Variants in CHRM2 observed in about 807,000 individuals in gnomAD.
CHRM2 encodes the protein cholinergic receptor muscarinic 2, also known as muscarinic acetylcholine receptor M2.
Under a neutral mutation model 25.0 loss-of-function variants are expected in CHRM2, and 8 were observed. The observed-to-expected ratio is 0.32, with a 90% CI of 0.19 to 0.58. CHRM2 has a LOEUF of 0.58. Ranked by LOEUF, CHRM2 falls within the 20% of genes least tolerant of loss-of-function variation. CHRM2 has a pLI of 0.88. For missense variants in CHRM2, 440 were observed against 567.1 expected (o/e 0.78, Z 2.28); for synonymous variants, 202 against 205.7 (o/e 0.98, Z 0.15).
chr7:136,979,455 TC>T (rs1268194954), intron 2 of CHRM2, among the ~76,000 whole-genome samples: 1 of 152,204 alleles, frequency 6.6e-6, no homozygotes, highest in Admixed American at 6.5e-5. Flanking sequence ...TTTAATTAGA[TC>T]CCATTTGTCA....
At chr7:136,931,378 A>G (rs1248419662) in intron 2 of CHRM2, among the ~76,000 whole-genome samples, 2 of 152,226 alleles carry the variant, frequency 1.3e-5, no homozygotes, top group African/African-American at 4.8e-5. Context: ...TTTGATTCCT[A>G]AAGTGGCGAG....
intron 2 of CHRM2, among the ~76,000 whole-genome samples, chr7:136,897,189 G>A (rs551402403): frequency 6.6e-6 from 1 of 151,954 alleles, no homozygotes; most frequent in East Asian, 1.9e-4. Flanking sequence ...AGGCACTTAG[G>A]CAGATGGAAA....
chr7:136,966,656 A>C (rs1801432956), intron 2 of CHRM2, among the ~76,000 whole-genome samples: 1 of 151,742 alleles, frequency 6.6e-6, no homozygotes, highest in African/African-American at 2.4e-5. Context: ...TTACTTAAAA[A>C]TATCTGTGTT....
intron 2 of CHRM2, among the ~76,000 whole-genome samples, chr7:136,877,201 C>G (rs867756114): frequency 1.1e-4 from 17 of 152,046 alleles, no homozygotes; most frequent in Admixed American, 9.2e-4. Context: ...TTGCTGTAGC[C>G]GGAGACTTTT....
intron 2 of CHRM2, among the ~76,000 whole-genome samples, chr7:136,981,589 T>C (rs1033508815): frequency 1.3e-5 from 2 of 152,214 alleles, no homozygotes; most frequent in African/African-American, 4.8e-5. Context: ...GGGCATTTAG[T>C]GCTATAAATT....
At chr7:136,935,808 A>G (rs1262650237) in intron 2 of CHRM2, among the ~76,000 whole-genome samples, 1 of 152,172 alleles carries the variant, frequency 6.6e-6, no homozygotes, top group Non-Finnish European at 1.5e-5. Context: ...AGAACAGGGA[A>G]CAACTCATTT....
At chr7:136,873,363 A>G (rs1008130918) in intron 2 of CHRM2, among the ~76,000 whole-genome samples, 1 of 152,226 alleles carries the variant, frequency 6.6e-6, no homozygotes, top group Non-Finnish European at 1.5e-5. Context: ...GTGTATTCTA[A>G]GTCCTTGGCA....
At chr7:136,916,832 CTT>C (rs1382101370) in intron 2 of CHRM2, among the ~76,000 whole-genome samples, 44 of 140,530 alleles carry the variant, frequency 3.1e-4, no homozygotes, top group Non-Finnish European at 6.9e-4. Flanking sequence ...TTCTCCCTCT[CTT>C]TCTCTCTCTC....
intron 2 of CHRM2, among the ~76,000 whole-genome samples, chr7:136,942,439 T>A (rs1799827923): frequency 6.6e-6 from 1 of 152,186 alleles, no homozygotes; most frequent in African/African-American, 2.4e-5. Flanking sequence ...ATTCTATTAC[T>A]AAAACCCAAT....
chr7:136,997,915 A>T (rs1272871548), intron 3 of CHRM2, among the ~76,000 whole-genome samples: 1 of 152,208 alleles, frequency 6.6e-6, no homozygotes, highest in African/African-American at 2.4e-5. Flanking sequence ...AAATAAGCAC[A>T]GGATGAAATC....
intron 2 of CHRM2, among the ~76,000 whole-genome samples, chr7:136,954,332 T>C (rs890664176): frequency 2.0e-5 from 3 of 152,210 alleles, no homozygotes; most frequent in Non-Finnish European, 2.9e-5. Context: ...TTTAGCTTTG[T>C]GTGAAATCTC....
chr7:136,907,164 T>G (rs1797602155), intron 2 of CHRM2, among the ~76,000 whole-genome samples: 1 of 151,902 alleles, frequency 6.6e-6, no homozygotes. Context: ...CAGATGAAGC[T>G]TCGCTTGCTG....
At position 136,965,897 on chromosome 7, in the gene CHRM2, CA is replaced by C. The variant is rs1036433285; in HGVS notation, c.-124-26281del. Among the ~76,000 whole-genome samples the C allele has an allele frequency of 2.0e-5, 3 of 149,858 alleles. No individual in the cohort carries two copies. The East Asian group carries it at 5.8e-4, about 29-fold the overall frequency. ...ACCTAAATGAGCCATGATGTGTTGA[CA>C]AAAAAAAAGAAAGCCAAGAGTGTGG... On this transcript the variant is annotated intron_variant, in intron 2 of 3. Transcript: ENST00000680005.
rs1309742311 is a variant in CHRM2 at position 136,984,119 on chromosome 7, C to T, written c.-124-8068C>T. Among the ~76,000 whole-genome samples, 3 of 152,296 alleles carry T rather than the reference C, an allele frequency of 2.0e-5. No individual in the cohort carries two copies. The East Asian group carries it at 5.8e-4, about 29-fold the overall frequency. On this transcript the variant is annotated intron_variant, in intron 2 of 3. Coordinates refer to ENST00000680005, the MANE Select transcript of CHRM2 (RefSeq NM_001006630.2). ...CCCCCTGACTGGGGCTGCTGCCTTT[C>T]TTTCAGAGATGCTGTGTCCAGAGAG...
intron 2 of CHRM2, among the ~76,000 whole-genome samples, chr7:136,953,706 A>G (rs570059205): frequency 6.7e-6 from 1 of 148,604 alleles, no homozygotes; most frequent in African/African-American, 2.5e-5. Flanking sequence ...TATGCAGAGC[A>G]GGCATCCTAT....
intron 2 of CHRM2, among the ~76,000 whole-genome samples, chr7:136,930,101 G>C (rs1309096009): frequency 6.6e-6 from 1 of 151,920 alleles, no homozygotes; most frequent in Non-Finnish European, 1.5e-5. Context: ...GAAGAACAAA[G>C]AAGAAGCTCA....
chr7:136,974,043 T>G (rs2130942907), intron 2 of CHRM2, among the ~76,000 whole-genome samples: 1 of 152,260 alleles, frequency 6.6e-6, no homozygotes, highest in South Asian at 2.1e-4. Context: ...TTGGCTGCGG[T>G]CTCATATTTT....
intron 2 of CHRM2, among the ~76,000 whole-genome samples, chr7:136,919,484 T>C (rs1430664245): frequency 6.6e-6 from 1 of 152,170 alleles, no homozygotes; most frequent in Non-Finnish European, 1.5e-5. Flanking sequence ...TCTTACTAAC[T>C]TGCAAACCTA....
In CHRM2 at chr7:136,924,373, C is replaced by T. The variant is rs191232499; in HGVS notation, c.-125+54955C>T. Among the ~76,000 whole-genome samples, 501 of 145,674 alleles carry T rather than the reference C, an allele frequency of 3.4e-3. 3 individuals carry two copies. Among genetic ancestry groups the T allele is most frequent in the African/African-American group, 0.012 (475 of 39,126 alleles). On this transcript the variant is annotated intron_variant, in intron 2 of 3. Coordinates refer to ENST00000680005, the MANE Select transcript of CHRM2 (RefSeq NM_001006630.2). ...GCTATCCCTCCCCCCTCCCCCACCC[C>T]ACAACAGGCCCTGATGTGTGATGTT...
Sources: gnomAD v4.1 joint callset for allele counts (sites outside exome capture counted in the v4.1 genomes callset) on GRCh38, gnomAD v4.1.1 for gene constraint, MANE v1.5 for transcripts, NCBI Gene and HGNC (gene_info 2026-07-23, HGNC 2026-07-21) for gene names.